Variants in ESR1 observed in about 807,000 individuals in gnomAD.
ESR1 encodes the protein estrogen receptor 1.
In ESR1, 12 loss-of-function variants were observed where a neutral mutation model predicts 52.7. The ratio of observed to expected loss-of-function variants is 0.23; its 90% CI spans 0.15 to 0.37. The LOEUF is 0.37. ESR1 is among the 10% of genes least tolerant of loss of function. The probability of loss-of-function intolerance (pLI) is 1.00; values close to 1 mark genes in which losing one functional copy is unlikely to be tolerated. For missense variants in ESR1, 584 were observed against 779.7 expected (o/e 0.75, Z 2.99); for synonymous variants, 305 against 316.8 (o/e 0.96, Z 0.39).
rs547040660 is a variant in ESR1, at chr6:151,793,611, G to T, written c.-70-14232G>T. 6.6e-5 allele frequency among the ~76,000 whole-genome samples: 10 copies of T among 152,294 alleles called. No individual in the cohort carries two copies. In the East Asian group the frequency reaches 1.9e-3, roughly 29 times the overall value. ...TCACCACACACGTGAGTAATGTGTTGTGCTGTGACATTAGGACAGCTACAA... is the reference window on the plus strand; with the variant it reads ...TCACCACACACGTGAGTAATGTGTTTTGCTGTGACATTAGGACAGCTACAA... On this transcript the variant is annotated intron_variant, in intron 2 of 2. Transcript: ENST00000404742.
intron 6 of ESR1, among the ~76,000 whole-genome samples, chr6:152,081,221 G>A (rs889838661): frequency 1.3e-5 from 2 of 151,970 alleles, no homozygotes; most frequent in Non-Finnish European, 2.9e-5. Context: ...CCACATAATT[G>A]GAAGTAAAAC....
At chr6:152,075,003 A>T (rs2128995049) in intron 6 of ESR1, among the ~76,000 whole-genome samples, 1 of 152,256 alleles carries the variant, frequency 6.6e-6, no homozygotes, top group South Asian at 2.1e-4. Context: ...TTTAGCAGGT[A>T]TGTCTTTTGC....
At chr6:151,863,825 T>C (rs1346702042) in intron 2 of ESR1, among the ~76,000 whole-genome samples, 5 of 152,194 alleles carry the variant, frequency 3.3e-5, no homozygotes, top group Non-Finnish European at 5.9e-5. Context: ...ATTCCCTATT[T>C]AATAAATAGT....
chr6:152,101,051 T>C lies in ESR1; in HGVS notation c.*2085T>C, dbSNP rs1182683305. On this transcript the variant is annotated 3_prime_UTR_variant, in exon 8 of 8. Coordinates refer to ENST00000206249, the MANE Select transcript of ESR1 (RefSeq NM_000125.4). The stretch of plus-strand genomic sequence containing the variant: ...AATATTTAGTTTTTTTTTTTTTTTT[T>C]GTATACTTTTCAAGCTACCTTGTCA... 4.5e-6 allele frequency: 1 copy of C among 220,824 alleles called. No homozygotes were observed. The highest frequency in any genetic ancestry group is 8.9e-6 in the Non-Finnish European group (1 of 112,076). The allele number at this position is 220,824 out of a possible 1,614,324, so 13.7% of individuals were successfully genotyped here.
intron 2 of ESR1, among the ~76,000 whole-genome samples, chr6:151,866,011 G>T (rs1162520937): frequency 6.6e-6 from 1 of 152,202 alleles, no homozygotes; most frequent in African/African-American, 2.4e-5. Context: ...CTGTGTGGGT[G>T]CCCAGGTGGT....
intron 6 of ESR1, among the ~76,000 whole-genome samples, chr6:152,111,546 C>G (rs1228268266): frequency 6.6e-6 from 1 of 152,206 alleles, no homozygotes; most frequent in Admixed American, 6.5e-5. Flanking sequence ...GGTTTGTGAG[C>G]CGGTTAACAT....
At position 152,083,462 on chromosome 6, in the gene ESR1, G is replaced by T. The variant is rs140130476; in HGVS notation, c.1370-10923G>T. ...TTCCTTACACTGTATACAAAAATTC[G>T]CTCAAGAAGGATTAAAGACTTAAAT... On this transcript the variant is annotated intron_variant, in intron 6 of 7. Coordinates refer to ENST00000206249, the MANE Select transcript of ESR1 (RefSeq NM_000125.4). Among the ~76,000 whole-genome samples, 16 of 152,152 alleles carry T rather than the reference G, an allele frequency of 1.1e-4. No homozygotes were observed. In the East Asian group the frequency reaches 3.1e-3, roughly 29 times the overall value.
chr6:151,852,366 C>T (rs1009734811), intron 2 of ESR1, among the ~76,000 whole-genome samples: 1 of 152,162 alleles, frequency 6.6e-6, no homozygotes, highest in Non-Finnish European at 1.5e-5. Context: ...GGAGAAATAA[C>T]TCTAAAACCT....
At chr6:152,064,661 T>C (rs2047821469) in intron 6 of ESR1, among the ~76,000 whole-genome samples, 1 of 152,224 alleles carries the variant, frequency 6.6e-6, no homozygotes, top group Non-Finnish European at 1.5e-5. Flanking sequence ...TTAACCTGGA[T>C]TTTTCTCTCA....
At position 151,911,559 on chromosome 6, in the gene ESR1, A is replaced by T. The variant is rs1169085547; in HGVS notation, c.760+30788A>T. On this transcript the variant is annotated intron_variant, in intron 3 of 7. Transcript: ENST00000206249. ...CTCTCAAATCAATCAGAGGCTTCAA[A>T]ACTGGGCAGTCTCATTTTGTAACCT... 2.0e-5 allele frequency among the ~76,000 whole-genome samples: 3 copies of T among 152,140 alleles called. No individual in the cohort carries two copies. In the East Asian group the frequency reaches 5.8e-4, roughly 29 times the overall value.
intron 1 of ESR1, among the ~76,000 whole-genome samples, chr6:151,701,178 T>C (rs1284076758): frequency 6.6e-6 from 1 of 151,830 alleles, no homozygotes; most frequent in Non-Finnish European, 1.5e-5. Flanking sequence ...GTTCTGCTGC[T>C]GCACATGTGA....
intron 4 of ESR1, among the ~76,000 whole-genome samples, chr6:151,996,598 G>T (rs1465072032): frequency 6.6e-6 from 1 of 152,166 alleles, no homozygotes; most frequent in Non-Finnish European, 1.5e-5. Context: ...GCCTTATTTT[G>T]ATACCACTAA....
chr6:151,744,824 T>G (rs978668254), intron 2 of ESR1, among the ~76,000 whole-genome samples: 5 of 152,242 alleles, frequency 3.3e-5, no homozygotes, highest in African/African-American at 1.2e-4. Context: ...TGTTTTCCTC[T>G]AAGAGTTTTA....
intron 5 of ESR1, among the ~76,000 whole-genome samples, chr6:152,030,819 A>C (rs916516410): frequency 6.6e-5 from 10 of 152,340 alleles, no homozygotes; most frequent in Non-Finnish European, 1.2e-4. Flanking sequence ...CTCCACCCCA[A>C]ATCAACAGAT....
At chr6:151,914,871 G>A (rs918232577) in intron 3 of ESR1, among the ~76,000 whole-genome samples, 1 of 152,128 alleles carries the variant, frequency 6.6e-6, no homozygotes, top group Admixed American at 6.6e-5. Flanking sequence ...CTGTAACCTA[G>A]TTGTAACCAT....
chr6:151,880,428 G>A (rs746698278), intron 2 of ESR1, among the ~76,000 whole-genome samples: 8 of 151,986 alleles, frequency 5.3e-5, no homozygotes, highest in Non-Finnish European at 1.2e-4. Context: ...TGATCCACCT[G>A]CCTCGGCCTC....
intron 5 of ESR1, among the ~76,000 whole-genome samples, chr6:152,054,997 T>TCCATCCA (rs1252773789): frequency 6.6e-6 from 1 of 152,040 alleles, no homozygotes; most frequent in Admixed American, 6.5e-5. Context: ...ATCCATGTTG[T>TCCATCCA]TGCAAGCGAC....
chr6:151,697,319 G>C (rs1046697917), intron 1 of ESR1, among the ~76,000 whole-genome samples: 1 of 152,224 alleles, frequency 6.6e-6, no homozygotes, highest in Non-Finnish European at 1.5e-5. Context: ...GATTGGTGGA[G>C]AAAGAAGTGT....
intron 2 of ESR1, among the ~76,000 whole-genome samples, chr6:151,753,619 G>A (rs769645595): frequency 2.6e-5 from 4 of 152,124 alleles, no homozygotes; most frequent in Non-Finnish European, 5.9e-5. Flanking sequence ...TGCCCAGCCT[G>A]ATTGTGTTTT....
Sources: gnomAD v4.1 joint callset for allele counts (sites outside exome capture counted in the v4.1 genomes callset) on GRCh38, gnomAD v4.1.1 for gene constraint, MANE v1.5 for transcripts, NCBI Gene and HGNC (gene_info 2026-07-23, HGNC 2026-07-21) for gene names.